Variants in NMT2 observed in about 807,000 individuals in gnomAD.
NMT2 encodes N-myristoyltransferase 2.
A neutral mutation model predicts 65.4 loss-of-function variants in NMT2; 35 were observed. The ratio of observed to expected loss-of-function variants is 0.54; its 90% confidence interval spans 0.41 to 0.71. The LOEUF (loss-of-function observed/expected upper bound fraction) is 0.71, where lower values mean the gene tolerates loss of function less well. Among genes scored for constraint, NMT2 ranks in the 30% least tolerant of loss-of-function variants. The probability of loss-of-function intolerance (pLI) is 0.00; values close to 1 mark genes in which losing one functional copy is unlikely to be tolerated. For missense variants in NMT2, 489 were observed against 611.3 expected (o/e 0.80, Z 2.11); for synonymous variants, 226 against 231.8 (o/e 0.98, Z 0.23).
intron 9 of NMT2, among the ~76,000 whole-genome samples, chr10:15,116,243 A>T (rs11815566): frequency 0.035 from 5,260 of 152,284 alleles, 156 homozygotes; most frequent in African/African-American, 0.074. Context: ...TTTAACCATA[A>T]TTGAATCAAA....
chr10:15,122,945 A>T (rs1263339844), intron 8 of NMT2, among the ~76,000 whole-genome samples: 1 of 152,062 alleles, frequency 6.6e-6, no homozygotes, highest in Non-Finnish European at 1.5e-5. Flanking sequence ...AAAAAAAAAA[A>T]TGACTGCATA....
chr10:15,163,412 G>T (rs1055751982), intron 1 of NMT2, among the ~76,000 whole-genome samples: 1 of 152,106 alleles, frequency 6.6e-6, no homozygotes, highest in Non-Finnish European at 1.5e-5. Flanking sequence ...AGACAACCCT[G>T]GAAAAAATTT....
chr10:15,114,552 A>G (rs890269853), intron 9 of NMT2, among the ~76,000 whole-genome samples: 6 of 152,360 alleles, frequency 3.9e-5, no homozygotes, highest in Middle Eastern at 3.4e-3. Context: ...TCAAGGAACA[A>G]GTAATCCCTA....
chr10:15,168,434 C>A (rs967000015), intron 1 of NMT2, 69 bp downstream of exon 1: 1 of 1,201,224 alleles, frequency 8.3e-7, no homozygotes, highest in Non-Finnish European at 1.2e-6. Flanking sequence ...GAGCCACCCC[C>A]GAACGGGAGA....
chr10:15,166,199 C>T (rs1833373380), intron 1 of NMT2, among the ~76,000 whole-genome samples: 1 of 152,152 alleles, frequency 6.6e-6, no homozygotes, highest in African/African-American at 2.4e-5. Flanking sequence ...CTAGTAAATA[C>T]ATTATACTGA....
chr10:15,130,259 G>A lies in NMT2; in HGVS notation c.773C>T (p.Ser258Leu), dbSNP rs1401894564. The A allele has an allele frequency of 6.2e-7, 1 of 1,605,478 alleles. No individual in the cohort carries two copies. Among genetic ancestry groups the A allele is most frequent in the Non-Finnish European group, 8.5e-7 (1 of 1,175,420 alleles). The part of the protein sequence containing the change: ...NFLCVHKKLR[S>L]KRVAPVLIRE... ...GATTAGCACTGGGGCTACCCGTTTC[G>A]ATCTCAACTTCTTATGAACACAAAG... Residue 258 changes from serine (S) to leucine (L), a missense_variant, in exon 7 of 12, where the codon TCG becomes TTG. By Grantham distance (145) the Ser-to-Leu change is moderately radical (BLOSUM62 -2). Coordinates refer to ENST00000378165, the MANE Select transcript of NMT2 (RefSeq NM_004808.3).
intron 9 of NMT2, 36 bp downstream of exon 9, chr10:15,119,307 C>T (rs1845846623): frequency 6.3e-7 from 1 of 1,598,734 alleles, no homozygotes. Flanking sequence ...AAGGGTGCTT[C>T]AAGGAGAAGC....
chr10:15,125,690 T>C lies in NMT2; in HGVS notation c.999+2660A>G, dbSNP rs549418255. Among the ~76,000 whole-genome samples, 47 of 152,258 alleles carry C rather than the reference T, an allele frequency of 3.1e-4. No homozygotes were observed. In the East Asian group the frequency reaches 8.7e-3, roughly 28 times the overall value. On this transcript the variant is annotated intron_variant, in intron 8 of 11. Coordinates refer to ENST00000378165, the MANE Select transcript of NMT2 (RefSeq NM_004808.3). The stretch of plus-strand genomic sequence containing the variant: ...GTTATTTATTTAGTTATTTATGAGA[T>C]GGAGTCTCGCTCTGTGGCCAGGCTG...
Position 15,133,367 on chromosome 10 carries a change from A to C in NMT2, c.392-4T>G. ...CCATGAGATGTTATGACTTCATCTG[A>C]ACAGGGAGAGAAAGAGAAAAAAGAA... On this transcript the variant is annotated splice_polypyrimidine_tract_variant and splice_region_variant and intron_variant, in intron 3 of 11. Coordinates refer to ENST00000378165, the MANE Select transcript of NMT2 (RefSeq NM_004808.3). 6.3e-7 allele frequency: 1 copy of C among 1,590,356 alleles called. No homozygotes were observed. The highest frequency in any genetic ancestry group is 8.6e-7 in the Non-Finnish European group (1 of 1,158,296).
chr10:15,108,422 T>G lies in NMT2; in HGVS notation c.*773A>C. Reference sequence around the variant, plus strand: ...GAATGGTCTCGATCTCCTGACCTCATGATCTGCCCACCTTGGCCTCCCAAA... The same window carrying G: ...GAATGGTCTCGATCTCCTGACCTCAGGATCTGCCCACCTTGGCCTCCCAAA... On this transcript the variant is annotated 3_prime_UTR_variant, in exon 12 of 12. Coordinates refer to ENST00000378165, the MANE Select transcript of NMT2 (RefSeq NM_004808.3). 1 of 731,762 alleles carries G rather than the reference T, an allele frequency of 1.4e-6. No individual in the cohort carries two copies. Among genetic ancestry groups the G allele is most frequent in the South Asian group, 6.2e-5 (1 of 16,194 alleles). 45.3% of individuals were successfully genotyped at this position (731,762 alleles called of 1,614,324 possible). A position where few individuals can be genotyped will look rare whatever the true frequency, so the allele number is the denominator to read the frequency against.
chr10:15,147,547 T>C (rs1356380216), intron 1 of NMT2, among the ~76,000 whole-genome samples: 1 of 151,662 alleles, frequency 6.6e-6, no homozygotes, highest in Admixed American at 6.6e-5. Context: ...AAATCAGTAG[T>C]GAAAAAAAAA....
intron 1 of NMT2, 179 bp downstream of exon 1, chr10:15,168,324 T>A: frequency 3.4e-6 from 1 of 295,002 alleles, no homozygotes; most frequent in East Asian, 2.1e-4. Context: ...CCCCGCGCAC[T>A]GCACTCTCCC....
chr10:15,122,057 A>G (rs920080247), intron 8 of NMT2, among the ~76,000 whole-genome samples: 19 of 152,356 alleles, frequency 1.2e-4, no homozygotes, highest in Non-Finnish European at 2.5e-4. Flanking sequence ...CCAAAACCAT[A>G]TAAAATATAT....
intron 9 of NMT2, 33 bp from the exon 10 acceptor site, chr10:15,112,996 C>T (rs1322587461): frequency 6.2e-7 from 1 of 1,602,898 alleles, no homozygotes; most frequent in Non-Finnish European, 8.5e-7. Flanking sequence ...ACAGAGATCT[C>T]CTTGAACCAA....
intron 1 of NMT2, among the ~76,000 whole-genome samples, chr10:15,149,617 C>A (rs977139399): frequency 1.3e-5 from 2 of 150,874 alleles, no homozygotes; most frequent in Admixed American, 1.3e-4. Context: ...TAATCATCAC[C>A]ACAGCAGGCA....
At chr10:15,138,004 C>CTTTTTTTTTTTTTTT (rs374744946) in intron 2 of NMT2, among the ~76,000 whole-genome samples, 2 of 128,140 alleles carry the variant, frequency 1.6e-5, no homozygotes, top group African/African-American at 2.9e-5. Flanking sequence ...TCTTCTTCTT[C>CTTTTTTTTTTTTTTT]TTTTTTTTTT....
At chr10:15,152,460 T>C (rs1832838212) in intron 1 of NMT2, among the ~76,000 whole-genome samples, 1 of 152,230 alleles carries the variant, frequency 6.6e-6, no homozygotes, top group African/African-American at 2.4e-5. Context: ...CTGGGGTCTC[T>C]CCTTTGCCAA....
At chr10:15,133,721 G>A (rs1327023496) in intron 3 of NMT2, among the ~76,000 whole-genome samples, 1 of 152,072 alleles carries the variant, frequency 6.6e-6, no homozygotes, top group Non-Finnish European at 1.5e-5. Context: ...CAGGTAGCTG[G>A]GACTAGAGTT....
At chr10:15,128,826 G>A (rs1438658952) in intron 7 of NMT2, among the ~76,000 whole-genome samples, 2 of 152,150 alleles carry the variant, frequency 1.3e-5, no homozygotes, top group East Asian at 3.8e-4. Flanking sequence ...CCAACATGGT[G>A]AAACCCCATC....
Sources: allele counts gnomAD v4.1 joint callset (sites outside exome capture counted in the v4.1 genomes callset), GRCh38; gene constraint gnomAD v4.1.1; transcripts MANE v1.5; gene names NCBI Gene and HGNC (gene_info 2026-07-23, HGNC 2026-07-21).